The following TOX2 variants were observed in gnomAD, a reference collection of about 807,000 sequenced individuals.
TOX2 encodes the protein TOX high mobility group box family member 2, also known as granulosa cell HMG box 1.
A neutral mutation model predicts 47.4 loss-of-function variants in TOX2; 15 were observed. That is an observed-to-expected ratio of 0.32 (90% CI 0.21 to 0.49). TOX2 has a LOEUF of 0.49. TOX2 is among the 20% of genes least tolerant of loss of function. The pLI, the probability that TOX2 is intolerant of heterozygous loss-of-function variation, is 0.99. For synonymous variants in TOX2, 290 were observed against 296.6 expected (o/e 0.98, Z 0.23); for missense variants, 622 against 673.1 (o/e 0.92, Z 0.84).
chr20:43,920,289 G>C (rs2069099297), intron 1 of TOX2, among the ~76,000 whole-genome samples: 1 of 152,228 alleles, frequency 6.6e-6, no homozygotes. Flanking sequence ...GACAAGCTTG[G>C]TTAATGAATG....
At chr20:43,972,397 G>T (rs762989812) in intron 1 of TOX2, among the ~76,000 whole-genome samples, 5 of 152,188 alleles carry the variant, frequency 3.3e-5, no homozygotes, top group Non-Finnish European at 5.9e-5. Context: ...TGTCCGGCTT[G>T]CCTCCCACAC....
chr20:44,036,334 G>C (rs1300637365), intron 3 of TOX2, among the ~76,000 whole-genome samples: 1 of 152,236 alleles, frequency 6.6e-6, no homozygotes, highest in African/African-American at 2.4e-5. Context: ...GTGCAGCAAT[G>C]GGGTAGGGCT....
chr20:43,968,268 C>T (rs1418361455), intron 1 of TOX2, among the ~76,000 whole-genome samples: 1 of 152,178 alleles, frequency 6.6e-6, no homozygotes, highest in Non-Finnish European at 1.5e-5. Flanking sequence ...TTATTTATAC[C>T]TGTCATGAAT....
In TOX2 at chr20:43,916,230, G is replaced by T; in HGVS notation, c.99+1240G>T. On this transcript the variant is annotated intron_variant, in intron 1 of 8. Coordinates refer to ENST00000341197, the MANE Select transcript of TOX2 (RefSeq NM_001098797.2). This position sits in a 1 kb window ranked among gnomAD's most constrained non-coding sequence, Gnocchi z 5.0. ...CGGGGTGAGTGCGCGTCCAGTGGCT[G>T]GATCGGCGCCCCCCAGGGTCTCTCC... is the stretch of plus-strand genomic sequence containing the variant. 1.0e-6 allele frequency: 1 copy of T among 985,544 alleles called. No individual in the cohort carries two copies. The highest frequency in any genetic ancestry group is 1.2e-6 in the Non-Finnish European group (1 of 830,010). The allele number at this position is 985,544 out of a possible 1,614,324, so 61.0% of individuals were successfully genotyped here. A position where few individuals can be genotyped will look rare whatever the true frequency, so the allele number is the denominator to read the frequency against.
intron 3 of TOX2, among the ~76,000 whole-genome samples, chr20:44,024,716 A>G (rs946227801): frequency 6.6e-6 from 1 of 152,192 alleles, no homozygotes; most frequent in Admixed American, 6.5e-5. Context: ...ACAAATAATC[A>G]TTATTAACCC....
intron 1 of TOX2, among the ~76,000 whole-genome samples, chr20:43,964,687 TG>T (rs748971421): frequency 2.0e-4 from 30 of 152,308 alleles, no homozygotes; most frequent in Admixed American, 2.0e-4. Flanking sequence ...TGGGTGGCTT[TG>T]GACAAGTTCC....
intron 3 of TOX2, among the ~76,000 whole-genome samples, chr20:44,029,972 C>T (rs879683110): frequency 6.6e-6 from 1 of 152,166 alleles, no homozygotes; most frequent in Admixed American, 6.5e-5. Context: ...TGTCCTCCAC[C>T]CCTCAGGCCA....
intron 3 of TOX2, among the ~76,000 whole-genome samples, chr20:44,031,114 C>T (rs1313434247): frequency 6.6e-6 from 1 of 152,022 alleles, no homozygotes; most frequent in Non-Finnish European, 1.5e-5. Flanking sequence ...CGCCTTTACA[C>T]CAGAGCAGGT....
chr20:43,981,208 A>G (rs1405348920), intron 2 of TOX2, among the ~76,000 whole-genome samples: 1 of 152,226 alleles, frequency 6.6e-6, no homozygotes, highest in Non-Finnish European at 1.5e-5. Flanking sequence ...TACTTTATAC[A>G]TTTCTGTGGG....
chr20:44,041,036 G>A (rs575795246), intron 3 of TOX2, among the ~76,000 whole-genome samples: 93 of 152,302 alleles, frequency 6.1e-4, no homozygotes, highest in Non-Finnish European at 1.1e-3. Flanking sequence ...GTTTACTGAG[G>A]GAGGGGCTGC....
At chr20:43,986,671 A>T (rs1427599024) in intron 2 of TOX2, among the ~76,000 whole-genome samples, 1 of 152,128 alleles carries the variant, frequency 6.6e-6, no homozygotes, top group Non-Finnish European at 1.5e-5. Context: ...CAGTACCCTC[A>T]CTCACTGCTG....
chr20:43,938,519 T>C (rs553283586), intron 1 of TOX2, among the ~76,000 whole-genome samples: 1 of 152,332 alleles, frequency 6.6e-6, no homozygotes, highest in East Asian at 1.9e-4. Context: ...ATCAGGATAC[T>C]GCTGGATGTG....
intron 5 of TOX2, among the ~76,000 whole-genome samples, chr20:44,060,603 A>T (rs1048429071): frequency 6.6e-6 from 1 of 152,182 alleles, no homozygotes; most frequent in Admixed American, 6.5e-5. Context: ...TCCAAAAGGA[A>T]CCCTCAAAAC....
intron 2 of TOX2, among the ~76,000 whole-genome samples, chr20:44,000,651 G>A (rs936469547): frequency 6.6e-6 from 1 of 152,136 alleles, no homozygotes; most frequent in African/African-American, 2.4e-5. Flanking sequence ...GAGTCTGGAT[G>A]AGAGCACCAG....
chr20:44,048,920 TGA>T (rs1361607310), intron 3 of TOX2, among the ~76,000 whole-genome samples: 1 of 152,224 alleles, frequency 6.6e-6, no homozygotes. Context: ...GCAGATCACT[TGA>T]GGTCAGGAGT....
chr20:43,990,740 G>A (rs927041077), intron 2 of TOX2, among the ~76,000 whole-genome samples: 2 of 152,146 alleles, frequency 1.3e-5, no homozygotes, highest in African/African-American at 4.8e-5. Context: ...CCATGGAGCA[G>A]TGTGCTCTAG....
chr20:43,991,950 A>G (rs2070376385), intron 2 of TOX2, among the ~76,000 whole-genome samples: 1 of 152,142 alleles, frequency 6.6e-6, no homozygotes, highest in African/African-American at 2.4e-5. Context: ...CATTATTTTA[A>G]AGAAGTAAAG....
chr20:44,065,802 G>A lies in TOX2; in HGVS notation c.1051G>A (p.Gly351Ser). The A allele has an allele frequency of 6.2e-7, 1 of 1,613,794 alleles. No individual in the cohort carries two copies. Reference sequence around the variant, plus strand: ...CAAGCAGCCCATGTATGCCATGCCAGGCCTGGCCTCCTTCCTGACGCCGTC... The same window carrying A: ...CAAGCAGCCCATGTATGCCATGCCAAGCCTGGCCTCCTTCCTGACGCCGTC... ...PPKQPMYAMPGLASFLTPSDL... is the reference protein window; with the variant it reads ...PPKQPMYAMPSLASFLTPSDL... The change falls in exon 7 of 9, where the codon GGC becomes AGC. Residue 351 changes from glycine to serine, a missense_variant. By Grantham distance (56) the Gly-to-Ser change is moderately conservative. Around this residue, in one of 3 missense-constraint regions of TOX2, gnomAD observed 294 missense variants for 300.0 expected, o/e 0.98. Transcript: ENST00000341197.
chr20:43,988,493 G>C (rs560093388), intron 2 of TOX2, among the ~76,000 whole-genome samples: 1 of 152,352 alleles, frequency 6.6e-6, no homozygotes, highest in South Asian at 2.1e-4. Flanking sequence ...CATTGCCTCA[G>C]TTTCTGCAGT....
Sources: allele counts gnomAD v4.1 joint callset (sites outside exome capture counted in the v4.1 genomes callset), GRCh38; gene constraint gnomAD v4.1.1; regional missense constraint gnomAD v4.1.1; non-coding constraint Gnocchi (gnomAD v3.1); transcripts MANE v1.5; gene names NCBI Gene and HGNC (gene_info 2026-07-23, HGNC 2026-07-21).